Variants in GALNTL6 observed in about 807,000 individuals in gnomAD.
GALNTL6 encodes polypeptide N-acetylgalactosaminyltransferase-like 6.
In GALNTL6, 46 loss-of-function variants were observed where a neutral mutation model predicts 73.7. The ratio of observed to expected loss-of-function variants is 0.62; its 90% CI spans 0.49 to 0.80. The LOEUF (loss-of-function observed/expected upper bound fraction) is 0.80, where lower values mean the gene tolerates loss of function less well. Among genes scored for constraint, GALNTL6 ranks in the 30% least tolerant of loss-of-function variants. The probability of loss-of-function intolerance (pLI) is 0.00; values close to 1 mark genes in which losing one functional copy is unlikely to be tolerated. For synonymous variants in GALNTL6, 259 were observed against 263.7 expected (o/e 0.98, Z 0.17); for missense variants, 604 against 755.0 (o/e 0.80, Z 2.34).
At chr4:171,861,734 C>T in intron 2 of GALNTL6, among the ~76,000 whole-genome samples, 1 of 151,952 alleles carries the variant, frequency 6.6e-6, no homozygotes, top group East Asian at 1.9e-4. Flanking sequence ...AATCTATCTT[C>T]CAAAATAATT....
intron 7 of GALNTL6, among the ~76,000 whole-genome samples, chr4:172,859,450 CTTTGTT>C (rs1179785391): frequency 6.6e-6 from 1 of 152,084 alleles, no homozygotes; most frequent in African/African-American, 2.4e-5. Flanking sequence ...TTTTCCACAT[CTTTGTT>C]AGAAGGTAAG....
chr4:172,358,891 G>T lies in GALNTL6; in HGVS notation c.553+10202G>T, dbSNP rs563918341. The stretch of plus-strand genomic sequence containing the variant: ...AAAAAAAAAAAAAAAAACAGAGGCT[G>T]GTGAGGTTCAGAGAAAAGAGAGCAC... On this transcript the variant is annotated intron_variant, in intron 5 of 12. Coordinates refer to ENST00000506823, the MANE Select transcript of GALNTL6 (RefSeq NM_001034845.3). 7.7e-4 allele frequency among the ~76,000 whole-genome samples: 114 copies of T among 148,498 alleles called. 1 individual carries two copies. In the South Asian group the frequency reaches 0.015, roughly 20 times the overall value.
intron 5 of GALNTL6, among the ~76,000 whole-genome samples, chr4:172,556,527 C>T (rs543564366): frequency 6.6e-6 from 1 of 152,008 alleles, no homozygotes; most frequent in African/African-American, 2.4e-5. Context: ...TTGCATGAAA[C>T]ATACTTACAT....
At chr4:172,002,507 ATT>A (rs921454151) in intron 2 of GALNTL6, among the ~76,000 whole-genome samples, 2 of 152,120 alleles carry the variant, frequency 1.3e-5, no homozygotes, top group African/African-American at 4.8e-5. Flanking sequence ...AGTCTATGAT[ATT>A]TTGTTATAGC....
At chr4:172,662,808 T>C (rs1169140147) in intron 5 of GALNTL6, among the ~76,000 whole-genome samples, 1 of 152,046 alleles carries the variant, frequency 6.6e-6, no homozygotes, top group East Asian at 1.9e-4. Context: ...TAATTTCAGA[T>C]GGTGGTAAAA....
At chr4:171,825,865 G>A (rs1161287334) in intron 2 of GALNTL6, among the ~76,000 whole-genome samples, 1 of 152,066 alleles carries the variant, frequency 6.6e-6, no homozygotes, top group Non-Finnish European at 1.5e-5. Context: ...GAACATCACC[G>A]TGTTTCCAAC....
At chr4:172,963,668 G>T (rs552023364) in intron 10 of GALNTL6, among the ~76,000 whole-genome samples, 1 of 152,270 alleles carries the variant, frequency 6.6e-6, no homozygotes, top group East Asian at 1.9e-4. Flanking sequence ...CCACCCCAGG[G>T]CACACTAGAC....
chr4:172,423,624 G>A lies in GALNTL6; in HGVS notation c.553+74935G>A, dbSNP rs564776130. Among the ~76,000 whole-genome samples, 42 of 151,948 alleles carry A rather than the reference G, an allele frequency of 2.8e-4. 1 individual carries two copies. In the South Asian group the frequency reaches 4.6e-3, roughly 17 times the overall value. Reference sequence around the variant, plus strand: ...AAATACAACATCACCCTCCACTTACGTTTTAGTAATATTTATCATTGCCTA... The same window carrying A: ...AAATACAACATCACCCTCCACTTACATTTTAGTAATATTTATCATTGCCTA... On this transcript the variant is annotated intron_variant, in intron 5 of 12. Transcript: ENST00000506823.
At chr4:172,120,208 T>G (rs1382755602) in intron 2 of GALNTL6, among the ~76,000 whole-genome samples, 1 of 152,146 alleles carries the variant, frequency 6.6e-6, no homozygotes, top group African/African-American at 2.4e-5. Context: ...TGTTAAAGAT[T>G]TATTAGTTTC....
chr4:171,889,884 A>G (rs555183507), intron 2 of GALNTL6, among the ~76,000 whole-genome samples: 133 of 152,220 alleles, frequency 8.7e-4, no homozygotes, highest in African/African-American at 3.1e-3. Context: ...CACATACGGT[A>G]TGTTTTGCAA....
chr4:172,270,687 T>A (rs1738613466), intron 3 of GALNTL6, among the ~76,000 whole-genome samples: 1 of 150,930 alleles, frequency 6.6e-6, no homozygotes, highest in South Asian at 2.1e-4. Context: ...TTAAACTAGC[T>A]ATGCCACTAT....
At chr4:172,280,348 A>G (rs1490665393) in intron 3 of GALNTL6, among the ~76,000 whole-genome samples, 2 of 152,212 alleles carry the variant, frequency 1.3e-5, no homozygotes, top group Non-Finnish European at 2.9e-5. Context: ...GGGAACATTC[A>G]CAAGGTGGGC....
At chr4:172,945,054 A>T (rs1438017541) in intron 9 of GALNTL6, among the ~76,000 whole-genome samples, 2 of 148,188 alleles carry the variant, frequency 1.3e-5, no homozygotes, top group Non-Finnish European at 3.0e-5. Context: ...GCAAAATTCC[A>T]TCTCAAAAAA....
chr4:172,421,453 A>G (rs1046858932), intron 5 of GALNTL6, among the ~76,000 whole-genome samples: 2 of 152,030 alleles, frequency 1.3e-5, no homozygotes, highest in Non-Finnish European at 2.9e-5. Flanking sequence ...TATTGTTTGT[A>G]TAAGTATTAT....
At position 172,625,722 on chromosome 4, in the gene GALNTL6, G is replaced by T. The variant is rs140021628; in HGVS notation, c.554-183639G>T. Among the ~76,000 whole-genome samples, 826 of 152,142 alleles carry T rather than the reference G, an allele frequency of 5.4e-3. 8 individuals carry two copies. Among genetic ancestry groups the T allele is most frequent in the African/African-American group, 0.019 (771 of 41,526 alleles). ...CTTTTTAATAATAGCTATTCTGACT[G>T]GTGTGAGATAGTATCTCATTGTGGC... On this transcript the variant is annotated intron_variant, in intron 5 of 12. Transcript: ENST00000506823.
intron 7 of GALNTL6, among the ~76,000 whole-genome samples, chr4:172,833,422 C>T (rs1199879214): frequency 6.6e-6 from 1 of 152,056 alleles, no homozygotes; most frequent in Admixed American, 6.5e-5. Flanking sequence ...CTTATCATTC[C>T]AACAGTGCTC....
At chr4:172,373,105 C>A (rs145289190) in intron 5 of GALNTL6, among the ~76,000 whole-genome samples, 2 of 152,188 alleles carry the variant, frequency 1.3e-5, no homozygotes, top group African/African-American at 4.8e-5. Context: ...GACCAGAGTG[C>A]CTGGACTTGA....
chr4:172,195,104 T>C (rs552540950), intron 2 of GALNTL6, among the ~76,000 whole-genome samples: 1 of 151,504 alleles, frequency 6.6e-6, no homozygotes, highest in South Asian at 2.1e-4. Flanking sequence ...GGGAGGAAAA[T>C]TTACCAAGCA....
At chr4:172,353,315 A>G (rs1742003230) in intron 5 of GALNTL6, among the ~76,000 whole-genome samples, 1 of 152,114 alleles carries the variant, frequency 6.6e-6, no homozygotes, top group East Asian at 1.9e-4. Context: ...CAAAAGTTGA[A>G]GCTTCAGTGA....
Sources: gnomAD v4.1 joint callset for allele counts (sites outside exome capture counted in the v4.1 genomes callset) on GRCh38, gnomAD v4.1.1 for gene constraint, MANE v1.5 for transcripts, NCBI Gene and HGNC (gene_info 2026-07-23, HGNC 2026-07-21) for gene names.